Variants in PDE4D observed in about 807,000 individuals in gnomAD.
PDE4D encodes the protein 3',5'-cyclic-AMP phosphodiesterase 4D.
A neutral mutation model predicts 87.4 loss-of-function variants in PDE4D; 24 were observed. The ratio of observed to expected loss-of-function variants is 0.27; its 90% CI spans 0.20 to 0.39. The LOEUF (loss-of-function observed/expected upper bound fraction) is 0.39. Ranked by LOEUF, PDE4D falls within the 10% of genes least tolerant of loss-of-function variation. The pLI is 1.00. For missense variants in PDE4D, 714 were observed against 1,041.0 expected, an observed-to-expected ratio of 0.69 and a Z score of 4.32; for synonymous variants, 384 against 383.2, an observed-to-expected ratio of 1.00 and a Z score of -0.02.
intron 1 of PDE4D, among the ~76,000 whole-genome samples, chr5:59,495,626 T>A (rs1383270552): frequency 6.6e-6 from 1 of 152,140 alleles, no homozygotes; most frequent in Non-Finnish European, 1.5e-5. Flanking sequence ...ATTAGAAGAC[T>A]GCAGGGGCAG....
intron 1 of PDE4D, among the ~76,000 whole-genome samples, chr5:59,695,885 A>C (rs1264640578): frequency 6.6e-6 from 1 of 152,200 alleles, no homozygotes; most frequent in Non-Finnish European, 1.5e-5. Flanking sequence ...CTGAGATTAC[A>C]GGCATGAGAC....
intron 1 of PDE4D, among the ~76,000 whole-genome samples, chr5:60,250,391 G>T (rs1748290204): frequency 6.6e-6 from 1 of 151,830 alleles, no homozygotes; most frequent in South Asian, 2.1e-4. Flanking sequence ...GGTTGGATTT[G>T]TCTCAAAGCA....
At chr5:59,595,820 G>A (rs1159774073) in intron 1 of PDE4D, among the ~76,000 whole-genome samples, 1 of 151,836 alleles carries the variant, frequency 6.6e-6, no homozygotes, top group Non-Finnish European at 1.5e-5. Context: ...ATCTTAAGTA[G>A]TATATCGCTG....
At chr5:59,468,899 T>C (rs997229097) in intron 1 of PDE4D, among the ~76,000 whole-genome samples, 11 of 152,204 alleles carry the variant, frequency 7.2e-5, no homozygotes, top group Admixed American at 7.2e-4. Context: ...CAGACACTGG[T>C]GGCTCATGAG....
chr5:60,241,391 A>G, intron 1 of PDE4D, among the ~76,000 whole-genome samples: 1 of 149,904 alleles, frequency 6.7e-6, no homozygotes, highest in African/African-American at 2.5e-5. Context: ...CTCCTGCCTC[A>G]GCCTCCCAAG....
intron 1 of PDE4D, among the ~76,000 whole-genome samples, chr5:60,518,313 G>A (rs1041408463): frequency 1.3e-5 from 2 of 152,216 alleles, no homozygotes; most frequent in African/African-American, 4.8e-5. Context: ...CAGTGGGCCC[G>A]AGCAAAACTC....
At chr5:60,466,289 G>C (rs1187118124) in intron 1 of PDE4D, among the ~76,000 whole-genome samples, 1 of 152,174 alleles carries the variant, frequency 6.6e-6, no homozygotes, top group Admixed American at 6.5e-5. Context: ...TGTTGTTCAA[G>C]ACAGAGACCC....
chr5:59,302,421 T>G (rs1369027567), intron 1 of PDE4D, among the ~76,000 whole-genome samples: 1 of 152,148 alleles, frequency 6.6e-6, no homozygotes, highest in Non-Finnish European at 1.5e-5. Context: ...GGTGGTATAT[T>G]TAGTTATATA....
intron 1 of PDE4D, among the ~76,000 whole-genome samples, chr5:59,478,736 A>G (rs955117239): frequency 2.0e-5 from 3 of 152,072 alleles, no homozygotes; most frequent in Non-Finnish European, 4.4e-5. Flanking sequence ...TTGGTTTTGG[A>G]AGACATAAAA....
chr5:59,400,550 A>AG (rs70975315), intron 1 of PDE4D, among the ~76,000 whole-genome samples: 18,417 of 129,804 alleles, frequency 0.14, 1,539 homozygotes, highest in East Asian at 0.2. Context: ...ACATGGACAC[A>AG]GGAAGGGGAA....
rs182019367 is a variant in PDE4D at position 59,109,241 on chromosome 5, T to C, written c.809-70270A>G. ...ATCCTGTATGTGCCATACATTGTTC[T>C]AGTCCCTTGGATAAACCAGTGATAA... On this transcript the variant is annotated intron_variant, in intron 5 of 14. Transcript: ENST00000340635. Among the ~76,000 whole-genome samples the C allele has an allele frequency of 2.4e-3, 373 of 152,324 alleles. 3 individuals carry two copies. The highest frequency in any genetic ancestry group is 8.8e-3 in the African/African-American group (367 of 41,568).
intron 1 of PDE4D, among the ~76,000 whole-genome samples, chr5:59,726,783 A>G (rs913951653): frequency 1.3e-5 from 2 of 152,164 alleles, no homozygotes; most frequent in Non-Finnish European, 2.9e-5. Context: ...GTATGAAGAT[A>G]TAGTTCTTCT....
chr5:60,206,164 C>T (rs991581217), intron 1 of PDE4D, among the ~76,000 whole-genome samples: 2 of 152,158 alleles, frequency 1.3e-5, no homozygotes, highest in African/African-American at 4.8e-5. Flanking sequence ...GACGGACTTG[C>T]AATGTAACCC....
intron 1 of PDE4D, among the ~76,000 whole-genome samples, chr5:60,498,638 G>A (rs1017643942): frequency 1.3e-5 from 2 of 152,174 alleles, no homozygotes; most frequent in Non-Finnish European, 2.9e-5. Context: ...AAGAGAGTAT[G>A]ATCAAATCCA....
At chr5:60,435,383 T>G (rs1237897714) in intron 1 of PDE4D, among the ~76,000 whole-genome samples, 1 of 152,102 alleles carries the variant, frequency 6.6e-6, no homozygotes, top group African/African-American at 2.4e-5. Context: ...TGTTTAAATT[T>G]CCAGAGAATC....
chr5:59,848,462 G>A (rs1423107522), intron 1 of PDE4D, among the ~76,000 whole-genome samples: 1 of 151,958 alleles, frequency 6.6e-6, no homozygotes, highest in East Asian at 1.9e-4. Context: ...GGACATGTCT[G>A]TCTTTATGTA....
At chr5:59,611,344 A>G (rs1828981085) in intron 1 of PDE4D, among the ~76,000 whole-genome samples, 1 of 152,114 alleles carries the variant, frequency 6.6e-6, no homozygotes, top group African/African-American at 2.4e-5. Context: ...GACCTCCCAA[A>G]GCCCCACTTC....
chr5:59,587,618 T>A (rs1825358229), intron 1 of PDE4D: 1 of 985,252 alleles, frequency 1.0e-6, no homozygotes, highest in South Asian at 4.7e-5. Flanking sequence ...GTACTGTACA[T>A]TAACTCTGCA....
chr5:59,532,630 G>A (rs190079337), intron 1 of PDE4D, among the ~76,000 whole-genome samples: 3 of 152,076 alleles, frequency 2.0e-5, no homozygotes, highest in East Asian at 1.9e-4. Context: ...TTTTTAAGTC[G>A]GTCTTAGTAT....
Sources: allele counts gnomAD v4.1 joint callset (sites outside exome capture counted in the v4.1 genomes callset), GRCh38; gene constraint gnomAD v4.1.1; transcripts MANE v1.5; gene names NCBI Gene and HGNC (gene_info 2026-07-23, HGNC 2026-07-21).